STXBP4: variants seen among roughly 807,000 people sequenced by gnomAD.
STXBP4 encodes syntaxin-binding protein 4.
In STXBP4, 55 loss-of-function variants were observed where a neutral mutation model predicts 76.1. That is an observed-to-expected ratio of 0.72 (90% CI 0.58 to 0.91). The LOEUF is 0.91. Among genes scored for constraint, STXBP4 ranks in the 40% least tolerant of loss-of-function variants. The pLI is 0.00. For synonymous variants in STXBP4, 201 were observed against 220.2 expected (o/e 0.91, Z 0.77); for missense variants, 618 against 636.9 (o/e 0.97, Z 0.32).
chr17:55,149,217 T>C (rs892517815), intron 17 of STXBP4, among the ~76,000 whole-genome samples: 1 of 152,226 alleles, frequency 6.6e-6, no homozygotes, highest in Non-Finnish European at 1.5e-5. Context: ...TAACCATCCA[T>C]GTGACAACTG....
At chr17:55,096,256 G>T (rs1233524117) in intron 16 of STXBP4, among the ~76,000 whole-genome samples, 2 of 151,936 alleles carry the variant, frequency 1.3e-5, no homozygotes, top group African/African-American at 4.8e-5. Context: ...CCCTGGCTCA[G>T]GTGATCCTCC....
At chr17:54,989,925 G>A (rs1178379036) in intron 3 of STXBP4, among the ~76,000 whole-genome samples, 1 of 152,196 alleles carries the variant, frequency 6.6e-6, no homozygotes, top group East Asian at 1.9e-4. Flanking sequence ...TCAAATGGAA[G>A]TCATATTTAC....
chr17:55,124,169 C>G (rs928787719), intron 16 of STXBP4, among the ~76,000 whole-genome samples: 4 of 152,060 alleles, frequency 2.6e-5, no homozygotes, highest in African/African-American at 9.7e-5. Flanking sequence ...AGGAAAACAG[C>G]ATTATATGGG....
At chr17:55,038,627 A>G (rs985861379) in intron 10 of STXBP4, among the ~76,000 whole-genome samples, 9 of 151,790 alleles carry the variant, frequency 5.9e-5, no homozygotes, top group Non-Finnish European at 7.3e-5. Flanking sequence ...AAATTCACAC[A>G]GTGCTACACC....
chr17:55,101,639 G>T (rs780604053), intron 16 of STXBP4, among the ~76,000 whole-genome samples: 2 of 152,150 alleles, frequency 1.3e-5, no homozygotes, highest in Non-Finnish European at 2.9e-5. Context: ...CTTTGCTGTA[G>T]CACATTTCCT....
chr17:55,113,720 C>G (rs1418329411), intron 16 of STXBP4, among the ~76,000 whole-genome samples: 1 of 152,104 alleles, frequency 6.6e-6, no homozygotes, highest in African/African-American at 2.4e-5. Context: ...CATAACCCAC[C>G]ATGGAGAGGC....
At chr17:55,097,268 T>G (rs1348138722) in intron 16 of STXBP4, among the ~76,000 whole-genome samples, 1 of 152,214 alleles carries the variant, frequency 6.6e-6, no homozygotes, top group Admixed American at 6.5e-5. Flanking sequence ...CAACCTTAAG[T>G]AAATTATTCA....
intron 12 of STXBP4, among the ~76,000 whole-genome samples, chr17:55,070,279 T>A (rs2079104973): frequency 6.6e-6 from 1 of 152,094 alleles, no homozygotes; most frequent in South Asian, 2.1e-4. Context: ...TTAACTGAGT[T>A]GATGGATGTA....
intron 16 of STXBP4, among the ~76,000 whole-genome samples, chr17:55,117,552 A>G (rs1567769902): frequency 4.0e-5 from 6 of 151,678 alleles, no homozygotes; most frequent in Admixed American, 3.3e-4. Flanking sequence ...ATTTAAAGTT[A>G]CATGTCTTTA....
chr17:55,120,443 T>C, intron 16 of STXBP4, among the ~76,000 whole-genome samples: 1 of 152,184 alleles, frequency 6.6e-6, no homozygotes, highest in Admixed American at 6.5e-5. Context: ...GCCAGAGATA[T>C]GTACACTGCT....
intron 10 of STXBP4, among the ~76,000 whole-genome samples, chr17:55,036,694 G>T (rs1425794023): frequency 1.3e-5 from 2 of 151,632 alleles, no homozygotes; most frequent in African/African-American, 4.8e-5. Context: ...TTTGAATGCT[G>T]CTAGAAACCC....
intron 12 of STXBP4, among the ~76,000 whole-genome samples, chr17:55,068,297 ATC>A (rs1322978397): frequency 6.6e-6 from 1 of 152,132 alleles, no homozygotes; most frequent in African/African-American, 2.4e-5. Flanking sequence ...AAAACATTAT[ATC>A]TCTTTGCAGT....
intron 11 of STXBP4, among the ~76,000 whole-genome samples, chr17:55,045,508 T>A (rs1224701842): frequency 1.3e-5 from 2 of 152,128 alleles, no homozygotes; most frequent in Non-Finnish European, 2.9e-5. Context: ...TAGTGATATA[T>A]TTGATTTTAT....
At chr17:55,110,896 GT>G (rs1402762991) in intron 16 of STXBP4, among the ~76,000 whole-genome samples, 1 of 152,148 alleles carries the variant, frequency 6.6e-6, no homozygotes, top group African/African-American at 2.4e-5. Flanking sequence ...TCTGGAGATT[GT>G]TTTTAGTAGA....
chr17:55,077,689 G>A (rs987677262), intron 13 of STXBP4, among the ~76,000 whole-genome samples: 4 of 119,202 alleles, frequency 3.4e-5, no homozygotes, highest in East Asian at 2.1e-4. Flanking sequence ...CTTACATCGT[G>A]TGTGTGTGTG....
intron 1 of STXBP4, among the ~76,000 whole-genome samples, chr17:54,977,948 T>G (rs2077494964): frequency 6.6e-6 from 1 of 152,198 alleles, no homozygotes; most frequent in African/African-American, 2.4e-5. Context: ...GCAGCCAACA[T>G]CATTGTGCCC....
intron 16 of STXBP4, among the ~76,000 whole-genome samples, chr17:55,110,272 C>T (rs2079696341): frequency 6.6e-6 from 1 of 152,210 alleles, no homozygotes; most frequent in South Asian, 2.1e-4. Flanking sequence ...ATTCTTAAGT[C>T]AACTGACTAG....
Position 55,172,004 on chromosome 17 carries a change from C to T in STXBP4, c.*12093C>T, listed in dbSNP as rs1263621879. The T allele has an allele frequency of 6.6e-6, 1 of 152,162 alleles. No homozygotes were observed. Among genetic ancestry groups the T allele is most frequent in the Non-Finnish European group, 1.5e-5 (1 of 68,050 alleles). The allele number at this position is 152,162 out of a possible 1,614,324, so 9.4% of individuals were successfully genotyped here. A position where few individuals can be genotyped will look rare whatever the true frequency, so the allele number is the denominator to read the frequency against. ...GTGTCATTACCCTGAGTGACTGGTC[C>T]CACTGTTGGTCATTCTTTGTAGATG... On this transcript the variant is annotated 3_prime_UTR_variant, in exon 18 of 18. Coordinates refer to ENST00000376352, the MANE Select transcript of STXBP4 (RefSeq NM_178509.6).
intron 17 of STXBP4, among the ~76,000 whole-genome samples, chr17:55,143,869 G>T (rs2080120535): frequency 6.6e-6 from 1 of 151,962 alleles, no homozygotes; most frequent in Non-Finnish European, 1.5e-5. Flanking sequence ...TTCCCCAAAG[G>T]GCCATAGTAG....
Sources: gnomAD v4.1 joint callset for allele counts (sites outside exome capture counted in the v4.1 genomes callset) on GRCh38, gnomAD v4.1.1 for gene constraint, MANE v1.5 for transcripts, NCBI Gene and HGNC (gene_info 2026-07-23, HGNC 2026-07-21) for gene names.